EPHA5: variants seen among roughly 807,000 people sequenced by gnomAD.
EPHA5 encodes ephrin type-A receptor 5.
A neutral mutation model predicts 105.0 loss-of-function variants in EPHA5; 60 were observed. The ratio of observed to expected loss-of-function variants is 0.57; its 90% CI spans 0.46 to 0.71. The LOEUF (loss-of-function observed/expected upper bound fraction) is 0.71. Among genes scored for constraint, EPHA5 ranks in the 30% least tolerant of loss-of-function variants. EPHA5 has a pLI of 0.00. For synonymous variants in EPHA5, 513 were observed against 449.1 expected (o/e 1.14, Z -1.80); for missense variants, 1,218 against 1,274.7 (o/e 0.96, Z 0.68).
intron 3 of EPHA5, among the ~76,000 whole-genome samples, chr4:65,499,198 A>G (rs1327219956): frequency 1.3e-5 from 2 of 151,564 alleles, no homozygotes; most frequent in Non-Finnish European, 3.0e-5. Context: ...CTCCAAACCT[A>G]TATGTCATGG....
rs1382372155 is a variant in EPHA5 at position 65,323,029 on chromosome 4, G to A, written c.*1085C>T. On this transcript the variant is annotated 3_prime_UTR_variant, in exon 17 of 17. Transcript: ENST00000613740. ...TCCTTCTACATCCTGCTGAAAATGT[G>A]CCCTTCGGTGTCAACTTTGCTTGAC... 4.4e-6 allele frequency: 1 copy of A among 228,956 alleles called. No individual in the cohort carries two copies. 14.2% of individuals were successfully genotyped at this position (228,956 alleles called of 1,614,324 possible). A position where few individuals can be genotyped will look rare whatever the true frequency, so the allele number is the denominator to read the frequency against.
chr4:65,664,274 A>T (rs1455966026), intron 1 of EPHA5, among the ~76,000 whole-genome samples: 1 of 151,944 alleles, frequency 6.6e-6, no homozygotes, highest in Non-Finnish European at 1.5e-5. Context: ...AATAATTGTT[A>T]GTTTTCTAAC....
intron 3 of EPHA5, among the ~76,000 whole-genome samples, chr4:65,574,643 C>T (rs530422422): frequency 0.086 from 5,036 of 58,402 alleles, 571 homozygotes; most frequent in Non-Finnish European, 0.13. Context: ...TATATATACA[C>T]ATATATATAC....
chr4:65,604,805 G>C (rs2149446281), intron 2 of EPHA5, among the ~76,000 whole-genome samples: 1 of 151,350 alleles, frequency 6.6e-6, no homozygotes, highest in Admixed American at 6.6e-5. Flanking sequence ...CGTATTCCTA[G>C]ACACTTTTAC....
chr4:65,667,771 C>T (rs1239480911), intron 1 of EPHA5, among the ~76,000 whole-genome samples: 1 of 152,162 alleles, frequency 6.6e-6, no homozygotes, highest in Non-Finnish European at 1.5e-5. Context: ...CTTTCATCTC[C>T]ACCTAAGTTC....
intron 3 of EPHA5, among the ~76,000 whole-genome samples, chr4:65,529,550 G>T (rs1009689427): frequency 6.6e-5 from 10 of 152,024 alleles, no homozygotes; most frequent in Non-Finnish European, 1.5e-4. Flanking sequence ...GGGAGAGACA[G>T]AAAGACGGTA....
At chr4:65,644,017 T>C (rs970188179) in intron 1 of EPHA5, among the ~76,000 whole-genome samples, 1 of 152,048 alleles carries the variant, frequency 6.6e-6, no homozygotes, top group Non-Finnish European at 1.5e-5. Flanking sequence ...GTTCTTGAGA[T>C]AGTTGATATA....
chr4:65,408,976 T>C (rs1263812155), intron 7 of EPHA5, among the ~76,000 whole-genome samples: 2 of 150,050 alleles, frequency 1.3e-5, no homozygotes, highest in Non-Finnish European at 1.5e-5. Context: ...TAAGAAAATG[T>C]GGCACATATA....
At chr4:65,633,970 C>T (rs1746881296) in intron 2 of EPHA5, among the ~76,000 whole-genome samples, 1 of 151,984 alleles carries the variant, frequency 6.6e-6, no homozygotes, top group Admixed American at 6.6e-5. Context: ...GGAGCAAAAA[C>T]ATTAGATAGA....
chr4:65,374,934 A>G (rs563990262), intron 8 of EPHA5, among the ~76,000 whole-genome samples: 5 of 151,904 alleles, frequency 3.3e-5, no homozygotes, highest in Admixed American at 6.6e-5. Flanking sequence ...CTCCTAGATA[A>G]ATGATTCTTC....
intron 5 of EPHA5, among the ~76,000 whole-genome samples, chr4:65,465,099 C>T (rs1160579968): frequency 2.0e-5 from 3 of 151,956 alleles, no homozygotes; most frequent in Non-Finnish European, 1.5e-5. Context: ...TTTAATTATT[C>T]AAAGACAGCT....
chr4:65,652,651 T>C (rs1560824350), intron 1 of EPHA5, among the ~76,000 whole-genome samples: 1 of 152,122 alleles, frequency 6.6e-6, no homozygotes. Context: ...TTGAACCACT[T>C]AATCCTACAT....
At chr4:65,661,760 G>GC (rs1187803474) in intron 1 of EPHA5, among the ~76,000 whole-genome samples, 1 of 152,260 alleles carries the variant, frequency 6.6e-6, no homozygotes, top group African/African-American at 2.4e-5. Context: ...AGCCGGATCT[G>GC]CCTACTGAGT....
intron 5 of EPHA5, among the ~76,000 whole-genome samples, chr4:65,423,761 G>C (rs1193109583): frequency 1.3e-5 from 2 of 150,838 alleles, no homozygotes; most frequent in East Asian, 2.0e-4. Flanking sequence ...TCCAGTCCTA[G>C]AGTCATTCAT....
intron 13 of EPHA5, among the ~76,000 whole-genome samples, chr4:65,348,467 G>C (rs1461577744): frequency 6.6e-6 from 1 of 151,424 alleles, no homozygotes; most frequent in East Asian, 2.0e-4. Context: ...CAGTATAGCA[G>C]CTCTAAGTAA....
chr4:65,518,185 A>G (rs1237110695), intron 3 of EPHA5, among the ~76,000 whole-genome samples: 1 of 152,080 alleles, frequency 6.6e-6, no homozygotes, highest in East Asian at 1.9e-4. Context: ...TCATGATATA[A>G]ATGCCATTTA....
intron 5 of EPHA5, among the ~76,000 whole-genome samples, chr4:65,428,571 C>T (rs1038984266): frequency 5.9e-5 from 9 of 152,036 alleles, no homozygotes; most frequent in Non-Finnish European, 1.2e-4. Flanking sequence ...AGTTTTGAAA[C>T]GACCATTTTA....
At chr4:65,605,244 T>C (rs4629503) in intron 2 of EPHA5, among the ~76,000 whole-genome samples, 80,881 of 151,966 alleles carry the variant, frequency 0.53, 22,201 homozygotes, top group Middle Eastern at 0.66. Context: ...GCATCTCACA[T>C]CAGCCACATT....
chr4:65,667,735 C>A (rs1182263229), intron 1 of EPHA5, among the ~76,000 whole-genome samples: 1 of 152,166 alleles, frequency 6.6e-6, no homozygotes, highest in Admixed American at 6.5e-5. Flanking sequence ...TTGAATTCTT[C>A]CAATTTTCTA....
Sources: allele counts gnomAD v4.1 joint callset (sites outside exome capture counted in the v4.1 genomes callset), GRCh38; gene constraint gnomAD v4.1.1; transcripts MANE v1.5; gene names NCBI Gene and HGNC (gene_info 2026-07-23, HGNC 2026-07-21).